MTSS1: variants seen among roughly 807,000 people sequenced by gnomAD.
MTSS1 encodes the protein MTSS I-BAR domain containing 1.
MTSS1 carries 18 observed loss-of-function variants against 79.0 expected under a neutral mutation model. The observed-to-expected ratio is 0.23, with a 90% CI of 0.16 to 0.34. The LOEUF is 0.34. Ranked by LOEUF, MTSS1 falls within the 10% of genes least tolerant of loss-of-function variation. The probability of loss-of-function intolerance (pLI) is 1.00; values close to 1 mark genes in which losing one functional copy is unlikely to be tolerated. For synonymous variants in MTSS1, 341 were observed against 368.6 expected, an observed-to-expected ratio of 0.93 and a Z score of 0.86; for missense variants, 815 against 986.2, an observed-to-expected ratio of 0.83 and a Z score of 2.33.
At chr8:124,580,457 C>G in intron 6 of MTSS1, 5 of 1,389,144 alleles carry the variant, frequency 3.6e-6, no homozygotes, top group South Asian at 2.5e-5. Context: ...GTAGAAAAAC[C>G]TGGGCAGCTA....
At chr8:124,638,386 T>TA (rs1229867510) in intron 3 of MTSS1, among the ~76,000 whole-genome samples, 2 of 152,210 alleles carry the variant, frequency 1.3e-5, no homozygotes, top group African/African-American at 4.8e-5. Flanking sequence ...GGGCCTATCT[T>TA]AGAGTTTAGT....
chr8:124,655,087 A>C (rs1820698016), intron 3 of MTSS1, among the ~76,000 whole-genome samples: 1 of 152,258 alleles, frequency 6.6e-6, no homozygotes, highest in Admixed American at 6.5e-5. Flanking sequence ...CCTAAACAGC[A>C]GAGCAGAACA....
intron 3 of MTSS1, among the ~76,000 whole-genome samples, chr8:124,629,320 C>T (rs183845596): frequency 1.5e-3 from 220 of 151,634 alleles, no homozygotes; most frequent in African/African-American, 5.2e-3. Flanking sequence ...GGAGACCATG[C>T]TGGCTAACAC....
chr8:124,666,205 C>T (rs577762160), intron 3 of MTSS1, among the ~76,000 whole-genome samples: 2 of 152,332 alleles, frequency 1.3e-5, no homozygotes, highest in Admixed American at 6.5e-5. Context: ...AGCCCCAGGA[C>T]AAGCACTGTG....
chr8:124,680,672 C>G (rs978931837), intron 3 of MTSS1, among the ~76,000 whole-genome samples: 1 of 152,116 alleles, frequency 6.6e-6, no homozygotes, highest in African/African-American at 2.4e-5. Context: ...CAAACAGCAC[C>G]CAGGTGGTCT....
intron 3 of MTSS1, among the ~76,000 whole-genome samples, chr8:124,685,279 G>C (rs1826774859): frequency 1.3e-5 from 2 of 152,100 alleles, no homozygotes; most frequent in Non-Finnish European, 2.9e-5. Flanking sequence ...TCACTAAACT[G>C]TTTACTTAAA....
chr8:124,565,808 G>A lies in MTSS1; in HGVS notation c.727-49C>T, dbSNP rs147037864. Reference sequence around the variant, plus strand: ...TGAATGAGGTGCTGAGAGGGGAAGCGTTAGCCATCAAAGCTTAACATCCAC... The same window carrying A: ...TGAATGAGGTGCTGAGAGGGGAAGCATTAGCCATCAAAGCTTAACATCCAC... On this transcript the variant is annotated intron_variant, in intron 8 of 13. Coordinates refer to ENST00000518547, the MANE Select transcript of MTSS1 (RefSeq NM_014751.6). The A allele has an allele frequency of 1.8e-3, 2,665 of 1,450,704 alleles. 53 individuals carry two copies. The South Asian group carries it at 0.023, about 13-fold the overall frequency. The allele number at this position is 1,450,704 out of a possible 1,614,324, so 89.9% of individuals were successfully genotyped here. A position where few individuals can be genotyped will look rare whatever the true frequency, so the allele number is the denominator to read the frequency against.
At chr8:124,682,598 T>G (rs573091194) in intron 3 of MTSS1, among the ~76,000 whole-genome samples, 1 of 152,254 alleles carries the variant, frequency 6.6e-6, no homozygotes, top group East Asian at 1.9e-4. Flanking sequence ...GAGGCTAAAG[T>G]GGCCGGTTTG....
At chr8:124,710,766 TG>T (rs1251364845) in intron 1 of MTSS1, among the ~76,000 whole-genome samples, 9 of 152,090 alleles carry the variant, frequency 5.9e-5, no homozygotes, top group African/African-American at 2.2e-4. Context: ...CCAGCGCCAC[TG>T]GGACAGCTGA....
intron 3 of MTSS1, among the ~76,000 whole-genome samples, chr8:124,611,717 T>A (rs1432436071): frequency 6.6e-6 from 1 of 152,056 alleles, no homozygotes; most frequent in Non-Finnish European, 1.5e-5. Context: ...AGAAAGAGAA[T>A]CAGAAATATT....
chr8:124,560,511 C>G, intron 10 of MTSS1, among the ~76,000 whole-genome samples: 1 of 152,138 alleles, frequency 6.6e-6, no homozygotes, highest in East Asian at 1.9e-4. Flanking sequence ...ATTAGCCAAG[C>G]ATGGTGGCAC....
rs2135918886 is a variant in MTSS1 at position 124,727,150 on chromosome 8, G to A, written c.72+734C>T. 6.6e-6 allele frequency among the ~76,000 whole-genome samples: 1 copy of A among 152,280 alleles called. No homozygotes were observed. The highest frequency in any genetic ancestry group is 2.4e-5 in the African/African-American group (1 of 41,572). ...CACCATCTTCACAACCCTTCCAAGA[G>A]AAAACCTAGAGTGTGTGTCCGTTTG... On this transcript the variant is annotated intron_variant, in intron 1 of 13. Transcript: ENST00000518547. This position sits in a 1 kb window ranked among gnomAD's most constrained non-coding sequence, Gnocchi z 4.7.
intron 3 of MTSS1, among the ~76,000 whole-genome samples, chr8:124,634,086 G>A (rs1816530954): frequency 6.6e-6 from 1 of 150,400 alleles, no homozygotes; most frequent in East Asian, 1.9e-4. Context: ...ATATAGACCA[G>A]TCCTTATTTA....
intron 5 of MTSS1, 49 bp downstream of exon 5, chr8:124,589,571 A>C: frequency 1.3e-6 from 2 of 1,485,228 alleles, no homozygotes; most frequent in Admixed American, 2.0e-5. Flanking sequence ...GCAACTTCCC[A>C]CAGCGCCCCC....
chr8:124,692,919 G>C (rs1368885926), intron 3 of MTSS1, among the ~76,000 whole-genome samples: 1 of 152,116 alleles, frequency 6.6e-6, no homozygotes, highest in Non-Finnish European at 1.5e-5. Context: ...GGAAGGAGCA[G>C]GTCCTGTTAG....
At chr8:124,603,768 A>C (rs148557238) in intron 3 of MTSS1, among the ~76,000 whole-genome samples, 6 of 152,348 alleles carry the variant, frequency 3.9e-5, no homozygotes, top group African/African-American at 1.4e-4. Flanking sequence ...GACCCTGGTC[A>C]CACATAAGTC....
intron 9 of MTSS1, 66 bp from the exon 10 acceptor site, chr8:124,563,058 G>T: frequency 2.3e-6 from 3 of 1,315,204 alleles, no homozygotes; most frequent in Non-Finnish European, 2.1e-6. Flanking sequence ...AGTGGTAAGA[G>T]GAAGGAGGAA....
intron 3 of MTSS1, among the ~76,000 whole-genome samples, chr8:124,640,007 G>A (rs1563915642): frequency 1.3e-5 from 2 of 152,210 alleles, no homozygotes; most frequent in Non-Finnish European, 2.9e-5. Context: ...CCTACTATGT[G>A]AAAGGTGCTT....
At chr8:124,651,508 A>G (rs1052625802) in intron 3 of MTSS1, among the ~76,000 whole-genome samples, 1 of 151,972 alleles carries the variant, frequency 6.6e-6, no homozygotes, top group African/African-American at 2.4e-5. Context: ...AACATGTTAC[A>G]TTCAGAACCA....
Sources: gnomAD v4.1 joint callset for allele counts (sites outside exome capture counted in the v4.1 genomes callset) on GRCh38, gnomAD v4.1.1 for gene constraint, Gnocchi (gnomAD v3.1) non-coding constraint, MANE v1.5 for transcripts, NCBI Gene and HGNC (gene_info 2026-07-23, HGNC 2026-07-21) for gene names.